Variants in DST observed in about 807,000 individuals in gnomAD.
DST encodes the protein bullous pemphigoid antigen.
DST carries 253 observed loss-of-function variants against 875.2 expected under a neutral mutation model. The observed-to-expected ratio is 0.29, with a 90% CI of 0.26 to 0.32. The LOEUF is 0.32. Ranked by LOEUF, DST falls within the 10% of genes least tolerant of loss-of-function variation. The probability of loss-of-function intolerance (pLI) is 1.00; values close to 1 mark genes in which losing one functional copy is unlikely to be tolerated. For missense variants in DST, 8,287 were observed against 9,111.6 expected (o/e 0.91, Z 3.68); for synonymous variants, 3,124 against 3,197.1 (o/e 0.98, Z 0.77).
intron 64 of DST, 144 bp downstream of exon 64, chr6:56,532,200 C>T (rs1203491153): frequency 1.8e-5 from 13 of 723,402 alleles, no homozygotes; most frequent in South Asian, 9.6e-5. Flanking sequence ...AGGAAAGAGG[C>T]ACTACAATCT....
In DST at chr6:56,606,429, A is replaced by G; in HGVS notation, c.8199T>C (p.Leu2733=). The change falls in exon 40 of 104, where the codon CTT becomes CTC. Residue 2733 remains leucine, a synonymous_variant. Coordinates refer to ENST00000680361, the MANE Select transcript of DST (RefSeq NM_001374736.1). ...TCAATGAGTCAGATTCATCACCTTCAAGGATATTTGTGCATTCCCTTTCTG... is the reference window on the plus strand; with the variant it reads ...TCAATGAGTCAGATTCATCACCTTCGAGGATATTTGTGCATTCCCTTTCTG... ...TGSERECTNI[L]EGDESDSLTD... 3 of 1,613,338 alleles carry G rather than the reference A, an allele frequency of 1.9e-6. No individual in the cohort carries two copies. Among genetic ancestry groups the G allele is most frequent in the Non-Finnish European group, 1.7e-6 (2 of 1,179,526 alleles).
chr6:56,476,128 T>C (rs1171585405), intron 92 of DST, 21 bp downstream of exon 92: 1 of 1,565,216 alleles, frequency 6.4e-7, no homozygotes, highest in South Asian at 1.2e-5. Context: ...TTAACAGGAG[T>C]TAGGATTATA....
chr6:56,931,478 G>A (rs1355243546), intron 2 of DST, among the ~76,000 whole-genome samples: 2 of 152,138 alleles, frequency 1.3e-5, no homozygotes, highest in Admixed American at 6.5e-5. Flanking sequence ...ACTGCCTAGT[G>A]GAGCTGTGAC....
intron 4 of DST, among the ~76,000 whole-genome samples, chr6:56,736,069 A>G (rs1006223363): frequency 2.0e-5 from 3 of 151,252 alleles, no homozygotes; most frequent in Non-Finnish European, 4.4e-5. Context: ...TTTGTTTTGT[A>G]TTTTTAGTAA....
At chr6:56,466,422 C>G (rs969001613) in intron 98 of DST, 3 of 355,362 alleles carry the variant, frequency 8.4e-6, no homozygotes, top group Non-Finnish European at 1.5e-5. Context: ...CAAAGGTTAT[C>G]AAGTATACTA....
chr6:56,799,365 T>A, intron 4 of DST, among the ~76,000 whole-genome samples: 1 of 152,094 alleles, frequency 6.6e-6, no homozygotes, highest in South Asian at 2.1e-4. Context: ...TCTTTTTTTT[T>A]TTTTTAAATC....
At chr6:56,718,477 C>T (rs971354800) in intron 5 of DST, among the ~76,000 whole-genome samples, 1 of 152,204 alleles carries the variant, frequency 6.6e-6, no homozygotes, top group Non-Finnish European at 1.5e-5. Context: ...AATGATGCAA[C>T]CATTTTGGAA....
chr6:56,529,670 C>T lies in DST; in HGVS notation c.17373G>A (p.Val5791=), dbSNP rs371488094. 4 of 1,613,618 alleles carry T rather than the reference C, an allele frequency of 2.5e-6. No homozygotes were observed. The African/African-American group carries it at 5.3e-5, about 22-fold the overall frequency. The stretch of plus-strand genomic sequence containing the variant: ...CTTGAGAGAAGTCTAATTTACTCTG[C>T]ACCATATCTTTATCCTCCCTGGAGC... The part of the protein sequence containing the change: ...VLSSREDKDM[V]QSKLDFSQVW... Residue 5791 remains valine (V), a synonymous_variant, in exon 66 of 104, where the codon GTG becomes GTA. Transcript: ENST00000680361.
chr6:56,635,317 A>C (rs2098814216), intron 24 of DST, among the ~76,000 whole-genome samples: 1 of 152,122 alleles, frequency 6.6e-6, no homozygotes, highest in South Asian at 2.1e-4. Flanking sequence ...TTAAGAACTT[A>C]AAAAGTATTT....
intron 3 of DST, among the ~76,000 whole-genome samples, chr6:56,858,500 A>T (rs1208511485): frequency 6.6e-6 from 1 of 152,208 alleles, no homozygotes; most frequent in Admixed American, 6.5e-5. Flanking sequence ...CAGGTATACA[A>T]GGTAAGTATC....
chr6:56,583,155 C>T (rs2098059019), intron 49 of DST, among the ~76,000 whole-genome samples: 1 of 152,126 alleles, frequency 6.6e-6, no homozygotes, highest in African/African-American at 2.4e-5. Flanking sequence ...GTTCTAGATC[C>T]CTGAGGAATT....
At chr6:56,666,967 T>C (rs988173209) in intron 10 of DST, among the ~76,000 whole-genome samples, 1 of 151,178 alleles carries the variant, frequency 6.6e-6, no homozygotes, top group Non-Finnish European at 1.5e-5. Context: ...GAGGTCACAA[T>C]AGGCAGAGTC....
At chr6:56,713,024 T>C (rs533643796) in intron 5 of DST, among the ~76,000 whole-genome samples, 1 of 152,332 alleles carries the variant, frequency 6.6e-6, no homozygotes, top group South Asian at 2.1e-4. Context: ...CAGCAACCTC[T>C]CAAGTCATGT....
intron 9 of DST, among the ~76,000 whole-genome samples, chr6:56,674,548 C>T (rs1259827085): frequency 4.6e-5 from 7 of 152,234 alleles, no homozygotes; most frequent in Admixed American, 6.5e-5. Flanking sequence ...TCACCCGCTT[C>T]GGCCTCCCAA....
At chr6:56,943,399 GA>G (rs1395232451) in intron 2 of DST, among the ~76,000 whole-genome samples, 15 of 149,856 alleles carry the variant, frequency 1.0e-4, no homozygotes, top group African/African-American at 3.7e-4. Context: ...AAAAGTCAGG[GA>G]TATTTTCAAC....
chr6:56,800,911 T>G (rs781393387), intron 4 of DST, among the ~76,000 whole-genome samples: 1 of 150,318 alleles, frequency 6.7e-6, no homozygotes, highest in Non-Finnish European at 1.5e-5. Context: ...CCCCAGGTAC[T>G]CAGGAGGCTG....
chr6:56,516,163 AAG>A (rs2096586774), intron 71 of DST, among the ~76,000 whole-genome samples: 1 of 74,986 alleles, frequency 1.3e-5, no homozygotes, highest in Non-Finnish European at 3.3e-5. Flanking sequence ...GAAAGAGAGA[AAG>A]AGAAAGAGAA....
chr6:56,503,207 C>T (rs1395890348), intron 78 of DST, among the ~76,000 whole-genome samples: 1 of 151,832 alleles, frequency 6.6e-6, no homozygotes, highest in Non-Finnish European at 1.5e-5. Context: ...ATGAATAAGA[C>T]CCTGTATTTG....
intron 73 of DST, 142 bp downstream of exon 73, chr6:56,511,055 C>T (rs1233580619): frequency 4.2e-6 from 3 of 706,750 alleles, no homozygotes; most frequent in Non-Finnish European, 7.0e-6. Flanking sequence ...AACATCACCT[C>T]TGAGGGACAC....
Sources: allele counts gnomAD v4.1 joint callset (sites outside exome capture counted in the v4.1 genomes callset), GRCh38; gene constraint gnomAD v4.1.1; transcripts MANE v1.5; gene names NCBI Gene and HGNC (gene_info 2026-07-23, HGNC 2026-07-21).